The following HDLBP variants were observed in gnomAD, a reference collection of about 807,000 sequenced individuals.
HDLBP encodes the protein high density lipoprotein binding protein, also known as vigilin.
Under a neutral mutation model 137.3 loss-of-function variants are expected in HDLBP, and 30 were observed. That is an observed-to-expected ratio of 0.22 (90% CI 0.16 to 0.30). HDLBP has a LOEUF of 0.30. Among genes scored for constraint, HDLBP ranks in the 10% least tolerant of loss-of-function variants. The pLI is 1.00. For synonymous variants in HDLBP, 606 were observed against 596.0 expected, an observed-to-expected ratio of 1.02 and a Z score of -0.24; for missense variants, 1,119 against 1,667.3, an observed-to-expected ratio of 0.67 and a Z score of 5.73.
At chr2:241,236,908 GGTCT>G in intron 20 of HDLBP, 139 bp from the exon 21 acceptor site, 3 of 800,300 alleles carry the variant, frequency 3.7e-6, no homozygotes, top group Non-Finnish European at 5.9e-6. Context: ...TCCTTCAGGA[GGTCT>G]TGGTCTGGTC....
In HDLBP at chr2:241,246,854, G is replaced by A. The variant is rs749118240; in HGVS notation, c.1848C>T (p.Asp616=). 17 of 1,614,128 alleles carry A rather than the reference G, an allele frequency of 1.1e-5. No homozygotes were observed. Among genetic ancestry groups the A allele is most frequent in the Non-Finnish European group, 1.4e-5 (17 of 1,179,962 alleles). The change falls in exon 16 of 28, where the codon GAC becomes GAT. Residue 616 remains aspartate, a synonymous_variant. Transcript: ENST00000310931. The part of the protein sequence containing the change: ...KIREESNTKI[D]LPAENSNSET... ...CTGAATTGCTATTCTCTGCTGGAAG[G>A]TCGATTTTGGTGTTGCTTTCTTCAC...
rs1010575854 is a variant in HDLBP, at chr2:241,240,825, G to A, written c.2170-703C>T. On this transcript the variant is annotated intron_variant, in intron 17 of 27. Transcript: ENST00000310931. This position sits in a 1 kb window ranked among gnomAD's most constrained non-coding sequence, Gnocchi z 5.5. ...CCAGTGCTTCTGGCAGACCCACGCA[G>A]GGGCCCCGAGAAGGGCGCTGCTCCA... is the stretch of plus-strand genomic sequence containing the variant. 6.6e-6 allele frequency among the ~76,000 whole-genome samples: 1 copy of A among 152,190 alleles called. No homozygotes were observed. The highest frequency in any genetic ancestry group is 2.4e-5 in the African/African-American group (1 of 41,456).
intron 1 of HDLBP, among the ~76,000 whole-genome samples, chr2:241,311,141 GA>G (rs956889747): frequency 1.3e-5 from 2 of 151,012 alleles, no homozygotes; most frequent in Admixed American, 1.3e-4. Context: ...AAAGAAAGAA[GA>G]AAAAAAAGAA....
rs1553659891 is a variant in HDLBP, at chr2:241,300,982, A to ATTG, written c.-103+14587_-103+14588insCAA. Among the ~76,000 whole-genome samples, 386 of 107,800 alleles carry ATTG rather than the reference A, an allele frequency of 3.6e-3. 4 individuals carry two copies. Among genetic ancestry groups the ATTG allele is most frequent in the African/African-American group, 0.011 (362 of 33,584 alleles). The allele number at this position is 107,800 out of a possible 152,430, so 70.7% of individuals were successfully genotyped here. Reference sequence around the variant, plus strand: ...TATTATTATTATTATTATTATTATTATTATTATTATTTTGAGACGAGTCTC... The same window carrying ATTG: ...TATTATTATTATTATTATTATTATTATTGTTATTATTATTTTGAGACGAGTCTC... On this transcript the variant is annotated intron_variant, in intron 1 of 27. Transcript: ENST00000310931.
At chr2:241,261,845 C>A (rs1188318317) in intron 5 of HDLBP, among the ~76,000 whole-genome samples, 3 of 152,222 alleles carry the variant, frequency 2.0e-5, no homozygotes, top group Non-Finnish European at 2.9e-5. Context: ...ACTCCTACCC[C>A]TCAGGCCCTC....
chr2:241,257,707 A>G (rs2072772991), intron 5 of HDLBP, among the ~76,000 whole-genome samples: 1 of 152,232 alleles, frequency 6.6e-6, no homozygotes, highest in Non-Finnish European at 1.5e-5. Context: ...AAATATTAAT[A>G]CAATTTCAAA....
In HDLBP at chr2:241,272,547, G is replaced by A. The variant is rs1177915827; in HGVS notation, c.-102-4006C>T. The A allele has an allele frequency of 1.0e-6, 1 of 984,500 alleles. No individual in the cohort carries two copies. The highest frequency in any genetic ancestry group is 1.2e-6 in the Non-Finnish European group (1 of 829,644). 61.0% of individuals were successfully genotyped at this position (984,500 alleles called of 1,614,324 possible). A position where few individuals can be genotyped will look rare whatever the true frequency, so the allele number is the denominator to read the frequency against. On this transcript the variant is annotated intron_variant, in intron 1 of 27. Transcript: ENST00000310931. The surrounding 1 kb of genome is among the most constrained non-coding windows in gnomAD (Gnocchi z 5.6). ...CCACGCGCAGAAGAGACTCGGAGCC[G>A]GCCCCAGGTCTGGCCCGGAACCGCC...
chr2:241,284,192 T>C (rs2074718882), intron 1 of HDLBP, among the ~76,000 whole-genome samples: 1 of 152,204 alleles, frequency 6.6e-6, no homozygotes, highest in Non-Finnish European at 1.5e-5. Context: ...TTTCAAGACT[T>C]AATACTTAAG....
Position 241,244,832 on chromosome 2 carries a change from G to A in HDLBP, c.1950+1920C>T, listed in dbSNP as rs79464348. Among the ~76,000 whole-genome samples the A allele has an allele frequency of 4.5e-3, 679 of 152,244 alleles. 8 individuals carry two copies. The highest frequency in any genetic ancestry group is 0.016 in the African/African-American group (651 of 41,544). ...GGAATTTTTTTTAAAGGTTAATAAT[G>A]TAAATGGTGGACTGAAAGCCAATCA... On this transcript the variant is annotated intron_variant, in intron 16 of 27. Transcript: ENST00000310931.
intron 1 of HDLBP, among the ~76,000 whole-genome samples, chr2:241,313,840 G>C (rs562870431): frequency 2.0e-5 from 3 of 152,208 alleles, no homozygotes; most frequent in Non-Finnish European, 4.4e-5. Context: ...GTGGCGCTGA[G>C]GGACGTGATA....
At position 241,234,078 on chromosome 2, in the gene HDLBP, G is replaced by A. The variant is rs765253871; in HGVS notation, c.3145-115C>T. ...GAGATGCTGCAGTGTTCTGTAACCC[G>A]TGGTCCGGAATGGTCCGCCATCTCT... On this transcript the variant is annotated intron_variant, in intron 23 of 27. Coordinates refer to ENST00000310931, the MANE Select transcript of HDLBP (RefSeq NM_005336.6). 5.9e-5 allele frequency: 74 copies of A among 1,255,000 alleles called. 1 individual carries two copies. Among genetic ancestry groups the A allele is most frequent in the Non-Finnish European group, 7.6e-5 (67 of 883,400 alleles). 77.7% of individuals were successfully genotyped at this position (1,255,000 alleles called of 1,614,324 possible). A position where few individuals can be genotyped will look rare whatever the true frequency, so the allele number is the denominator to read the frequency against.
chr2:241,270,667 C>T (rs1037698837), intron 1 of HDLBP, among the ~76,000 whole-genome samples: 19 of 152,174 alleles, frequency 1.2e-4, no homozygotes, highest in African/African-American at 4.1e-4. Flanking sequence ...AACAAAGCAG[C>T]ACCTAAGAAG....
intron 8 of HDLBP, 58 bp from the exon 9 acceptor site, chr2:241,255,216 A>G: frequency 1.3e-6 from 2 of 1,545,822 alleles, no homozygotes; most frequent in South Asian, 2.2e-5. Flanking sequence ...GTCACAGTGA[A>G]AGCCAGGCTG....
intron 1 of HDLBP, among the ~76,000 whole-genome samples, chr2:241,284,846 T>G (rs2149630377): frequency 6.6e-6 from 1 of 152,350 alleles, no homozygotes; most frequent in East Asian, 1.9e-4. Flanking sequence ...TGCTGAAGGC[T>G]CAATGATCAT....
chr2:241,273,014 G>A (rs1463443819), intron 1 of HDLBP: 1 of 985,332 alleles, frequency 1.0e-6, no homozygotes, highest in South Asian at 4.7e-5. Flanking sequence ...AGGCGGTGCC[G>A]AGGAGTTGGG....
intron 1 of HDLBP, among the ~76,000 whole-genome samples, chr2:241,311,298 A>G (rs2075750845): frequency 6.6e-6 from 1 of 152,228 alleles, no homozygotes; most frequent in African/African-American, 2.4e-5. Context: ...TGATGTCCAA[A>G]TTCCTACTCA....
intron 1 of HDLBP, among the ~76,000 whole-genome samples, chr2:241,271,512 CAAAAA>C (rs1173191901): frequency 3.3e-5 from 5 of 151,954 alleles, no homozygotes; most frequent in African/African-American, 1.2e-4. Context: ...CTGACAGCAA[CAAAAA>C]AGGCTTCACA....
chr2:241,301,523 C>T (rs926929875), intron 1 of HDLBP, among the ~76,000 whole-genome samples: 3 of 152,138 alleles, frequency 2.0e-5, no homozygotes, highest in Non-Finnish European at 4.4e-5. Context: ...TTTGTTCACA[C>T]TAGCCAGCAA....
chr2:241,253,019 T>A lies in HDLBP; in HGVS notation c.1310A>T (p.Tyr437Phe). 6.2e-7 allele frequency: 1 copy of A among 1,606,894 alleles called. No individual in the cohort carries two copies. The highest frequency in any genetic ancestry group is 8.5e-7 in the Non-Finnish European group (1 of 1,173,874). The change falls in exon 11 of 28, where the codon TAT becomes TTT. Residue 437 changes from tyrosine (Y) to phenylalanine (F), a missense_variant. Transcript: ENST00000310931. ...MVKDLINRMD[Y>F]VEINIDHKFH... Reference sequence around the variant, plus strand: ...CTTGTGGTCGATGTTGATCTCCACATAGTCCATCCGGTTAATCTGCAGGAG... The same window carrying A: ...CTTGTGGTCGATGTTGATCTCCACAAAGTCCATCCGGTTAATCTGCAGGAG...
Sources: allele counts gnomAD v4.1 joint callset (sites outside exome capture counted in the v4.1 genomes callset), GRCh38; gene constraint gnomAD v4.1.1; non-coding constraint Gnocchi (gnomAD v3.1); transcripts MANE v1.5; gene names NCBI Gene and HGNC (gene_info 2026-07-23, HGNC 2026-07-21).